Variants in FLT1 observed in about 807,000 individuals in gnomAD.
FLT1 encodes the protein vascular endothelial growth factor receptor 1.
A neutral mutation model predicts 156.3 loss-of-function variants in FLT1; 49 were observed. The observed-to-expected ratio is 0.31, with a 90% CI of 0.25 to 0.40. The LOEUF (loss-of-function observed/expected upper bound fraction) is 0.40. Ranked by LOEUF, FLT1 falls within the 10% of genes least tolerant of loss-of-function variation. The pLI is 1.00. For missense variants in FLT1, 1,322 were observed against 1,637.2 expected, an observed-to-expected ratio of 0.81 and a Z score of 3.32; for synonymous variants, 594 against 583.8, an observed-to-expected ratio of 1.02 and a Z score of -0.25.
intron 10 of FLT1, 78 bp downstream of exon 10, chr13:28,427,081 A>T: frequency 7.6e-7 from 1 of 1,320,296 alleles, no homozygotes; most frequent in Non-Finnish European, 1.1e-6. Flanking sequence ...GCAGATTCCC[A>T]TCTGCGTCCA....
At chr13:28,422,197 T>G (rs1877047430) in intron 10 of FLT1, among the ~76,000 whole-genome samples, 1 of 152,236 alleles carries the variant, frequency 6.6e-6, no homozygotes, top group South Asian at 2.1e-4. Context: ...TTGTAAGATG[T>G]CAGCAATATT....
At position 28,482,106 on chromosome 13, in the gene FLT1, C is replaced by T. The variant is rs114806247; in HGVS notation, c.64+12674G>A. On this transcript the variant is annotated intron_variant, in intron 1 of 29. Coordinates refer to ENST00000282397, the MANE Select transcript of FLT1 (RefSeq NM_002019.4). ...TAATGACTGGCTATAAAATCGGGATCAGGAGAATTAAATTTAATATGGCTC... is the reference window on the plus strand; with the variant it reads ...TAATGACTGGCTATAAAATCGGGATTAGGAGAATTAAATTTAATATGGCTC... Among the ~76,000 whole-genome samples the T allele has an allele frequency of 4.9e-3, 742 of 152,206 alleles. 7 individuals are homozygous for T. Among genetic ancestry groups the T allele is most frequent in the African/African-American group, 0.016 (645 of 41,506 alleles).
chr13:28,379,982 A>C (rs1244701734), intron 14 of FLT1, among the ~76,000 whole-genome samples: 1 of 152,186 alleles, frequency 6.6e-6, no homozygotes, highest in Non-Finnish European at 1.5e-5. Context: ...TCATTTAAAA[A>C]ATAACAATGA....
rs1198507571 is a variant in FLT1 at position 28,389,792 on chromosome 13, T to C, written c.1969+4A>G. On this transcript the variant is annotated splice_donor_region_variant and intron_variant, in intron 13 of 29. Transcript: ENST00000282397. ...GAAAACAGCCTTTTTGTTGCAGTGC[T>C]CACCTCTGATTGTAATTTCTTTCTT... 1 of 1,614,248 alleles carries C rather than the reference T, an allele frequency of 6.2e-7. No homozygotes were observed. The highest frequency in any genetic ancestry group is 2.2e-5 in the East Asian group (1 of 44,886).
chr13:28,462,984 C>G (rs1288363022), intron 3 of FLT1, among the ~76,000 whole-genome samples: 1 of 152,178 alleles, frequency 6.6e-6, no homozygotes, highest in African/African-American at 2.4e-5. Flanking sequence ...TGACTCCCCA[C>G]AGAGCCCTAA....
chr13:28,417,670 C>T lies in FLT1; in HGVS notation c.1436+9489G>A, dbSNP rs1212714389. On this transcript the variant is annotated intron_variant, in intron 10 of 29. Transcript: ENST00000282397. ...TTAAATCTTTAACATTCCTTAATTC[C>T]GTTTTTTTTTTTTTGAGATGGGGGT... Among the ~76,000 whole-genome samples the T allele has an allele frequency of 1.1e-4, 5 of 47,180 alleles. No homozygotes were observed. In the East Asian group the frequency reaches 3.1e-3, roughly 29 times the overall value. The allele number at this position is 47,180 out of a possible 152,430, so 31.0% of individuals were successfully genotyped here. A position where few individuals can be genotyped will look rare whatever the true frequency, so the allele number is the denominator to read the frequency against.
At chr13:28,418,271 C>T (rs1323937619) in intron 10 of FLT1, among the ~76,000 whole-genome samples, 1 of 152,196 alleles carries the variant, frequency 6.6e-6, no homozygotes, top group Non-Finnish European at 1.5e-5. Context: ...CCCAAGACAG[C>T]TGTAGGTCAT....
intron 12 of FLT1, 67 bp downstream of exon 12, chr13:28,396,893 A>T (rs780454167): frequency 3.3e-5 from 32 of 974,838 alleles, no homozygotes; most frequent in Non-Finnish European, 5.0e-5. Context: ...AATGCACTAA[A>T]AGCAAACAAG....
intron 1 of FLT1, among the ~76,000 whole-genome samples, chr13:28,483,830 T>C (rs1483269430): frequency 6.6e-6 from 1 of 152,204 alleles, no homozygotes; most frequent in East Asian, 1.9e-4. Flanking sequence ...GACAGTTTTT[T>C]TATTCCAAAC....
At chr13:28,492,621 A>G (rs1350857018) in intron 1 of FLT1, among the ~76,000 whole-genome samples, 1 of 152,208 alleles carries the variant, frequency 6.6e-6, no homozygotes, top group Non-Finnish European at 1.5e-5. Context: ...CAAAGATTAC[A>G]TAGTACCTGA....
Position 28,321,578 on chromosome 13 carries a change from T to A in FLT1, c.3059A>T (p.His1020Leu). ...AATGTTTCTCGCTGCCAGGTCCCGATGAATGCACTATAATAAAACAGTTGC... is the reference window on the plus strand; with the variant it reads ...AATGTTTCTCGCTGCCAGGTCCCGAAGAATGCACTATAATAAAACAGTTGC... ...MEFLSSRKCIHRDLAARNILL... is the reference protein window; with the variant it reads ...MEFLSSRKCILRDLAARNILL... Residue 1020 changes from histidine (H) to leucine (L), a missense_variant, in exon 23 of 30, where the codon CAT becomes CTT. Around this residue, in one of 3 missense-constraint regions of FLT1, gnomAD observed 991 missense variants for 1,254.8 expected, o/e 0.79. Coordinates refer to ENST00000282397, the MANE Select transcript of FLT1 (RefSeq NM_002019.4). 1 of 1,614,184 alleles carries A rather than the reference T, an allele frequency of 6.2e-7. No individual in the cohort carries two copies. The highest frequency in any genetic ancestry group is 8.5e-7 in the Non-Finnish European group (1 of 1,179,992).
rs1877403348 is a variant in FLT1 at position 28,427,279 on chromosome 13, G to A, written c.1316C>T (p.Pro439Leu). ...QIYEKAVSSF[P>L]DPALYPLGSR... ...GCCCAGTGGGTAGAGAGCCGGGTCT[G>A]GAAACGATGACACGGCCTTTTCGTA... is the stretch of plus-strand genomic sequence containing the variant. Residue 439 changes from proline (P) to leucine (L), a missense_variant, in exon 10 of 30, where the codon CCA becomes CTA. Pro to Leu is a moderately conservative substitution (Grantham distance 98). Transcript: ENST00000282397. 2 of 1,613,894 alleles carry A rather than the reference G, an allele frequency of 1.2e-6. No individual in the cohort carries two copies. Among genetic ancestry groups the A allele is most frequent in the African/African-American group, 1.3e-5 (1 of 74,890 alleles).
chr13:28,363,481 C>A (rs1013093187), intron 14 of FLT1, among the ~76,000 whole-genome samples: 1 of 152,014 alleles, frequency 6.6e-6, no homozygotes, highest in South Asian at 2.1e-4. Flanking sequence ...TGTTTTTGTA[C>A]TTTTTCTACA....
At chr13:28,457,933 CTTTTTTT>C (rs894090277) in intron 3 of FLT1, among the ~76,000 whole-genome samples, 6 of 114,210 alleles carry the variant, frequency 5.3e-5, no homozygotes, top group Middle Eastern at 4.5e-3. Context: ...CTTTCCTTTT[CTTTTTTT>C]TTTTTTTTTT....
At chr13:28,461,704 A>G (rs1443668808) in intron 3 of FLT1, among the ~76,000 whole-genome samples, 3 of 146,900 alleles carry the variant, frequency 2.0e-5, no homozygotes, top group Non-Finnish European at 4.4e-5. Context: ...ATAGCCAGGT[A>G]GAGCCTTTTT....
chr13:28,411,599 A>G (rs1218055983), intron 10 of FLT1, among the ~76,000 whole-genome samples: 3 of 150,928 alleles, frequency 2.0e-5, no homozygotes, highest in Non-Finnish European at 4.4e-5. Flanking sequence ...TCCAATATTT[A>G]TCACAATTTT....
At chr13:28,358,269 G>A (rs1218181547) in intron 14 of FLT1, among the ~76,000 whole-genome samples, 1 of 152,140 alleles carries the variant, frequency 6.6e-6, no homozygotes. Flanking sequence ...TTGTCATAAG[G>A]CCTGGTGAGT....
At chr13:28,363,000 T>C (rs989103244) in intron 14 of FLT1, among the ~76,000 whole-genome samples, 1 of 152,216 alleles carries the variant, frequency 6.6e-6, no homozygotes, top group Non-Finnish European at 1.5e-5. Context: ...TCCTCCACTC[T>C]TGCATTTATT....
intron 29 of FLT1, among the ~76,000 whole-genome samples, chr13:28,305,827 T>A (rs573423498): frequency 6.6e-6 from 1 of 152,326 alleles, no homozygotes; most frequent in African/African-American, 2.4e-5. Flanking sequence ...GTATTTCATG[T>A]GTGACCCAAG....
Sources: gnomAD v4.1 joint callset for allele counts (sites outside exome capture counted in the v4.1 genomes callset) on GRCh38, gnomAD v4.1.1 for gene constraint, gnomAD v4.1.1 regional missense constraint, MANE v1.5 for transcripts, NCBI Gene and HGNC (gene_info 2026-07-23, HGNC 2026-07-21) for gene names.